Variants in NEK5 observed in about 807,000 individuals in gnomAD.
NEK5 encodes serine/threonine-protein kinase Nek5.
In NEK5, 88 loss-of-function variants were observed where a neutral mutation model predicts 109.2. The ratio of observed to expected loss-of-function variants is 0.81; its 90% confidence interval spans 0.68 to 0.96. NEK5 has a LOEUF of 0.96. Ranked by LOEUF, NEK5 falls within the 40% of genes least tolerant of loss-of-function variation. The pLI is 0.00. For missense variants in NEK5, 834 were observed against 920.7 expected, an observed-to-expected ratio of 0.91 and a Z score of 1.22; for synonymous variants, 283 against 299.9, an observed-to-expected ratio of 0.94 and a Z score of 0.58.
At chr13:52,071,241 T>A (rs1248961594) in intron 20 of NEK5, among the ~76,000 whole-genome samples, 1 of 151,036 alleles carries the variant, frequency 6.6e-6, no homozygotes, top group East Asian at 2.0e-4. Context: ...GGGGTGGGGA[T>A]GGGGGAACAA....
rs1454013856 is a variant in NEK5 at position 52,050,760 on chromosome 13, C to T, written c.2111-539G>A. ...TTTGAGACAGAGTCTGGCTTTGTCA[C>T]CCAGGCTGGAGTGCAATAGTGCAAT... On this transcript the variant is annotated intron_variant, in intron 22 of 23. Transcript: ENST00000684899. 2.0e-5 allele frequency among the ~76,000 whole-genome samples: 3 copies of T among 147,680 alleles called. No individual in the cohort carries two copies. The Admixed American group carries it at 2.0e-4, about 10-fold the overall frequency.
intron 9 of NEK5, 30 bp downstream of exon 9, chr13:52,104,468 C>A: frequency 6.7e-7 from 1 of 1,487,904 alleles, no homozygotes; most frequent in East Asian, 2.3e-5. Context: ...TCCAATAATT[C>A]AAGATTAGTC....
chr13:52,099,768 G>T lies in NEK5; in HGVS notation c.1001C>A (p.Pro334Gln), dbSNP rs78636974. The T allele has an allele frequency of 7.0e-4, 1,133 of 1,613,708 alleles. 6 individuals carry two copies. The African/African-American group carries it at 0.013, about 19-fold the overall frequency. ...AGATCTGGCCTTCTGGGCTCCAGCT[G>T]GTGGTCTCCATTCATTTCTATGCAA... ...AILHRNEWRPPAGAQKARSIK... is the reference protein window; with the variant it reads ...AILHRNEWRPQAGAQKARSIK... Residue 334 changes from proline (P) to glutamine (Q), a missense_variant, in exon 12 of 24, where the codon CCA becomes CAA. By Grantham distance (76) the Pro-to-Gln change is moderately conservative. Around this residue, in one of 2 missense-constraint regions of NEK5, gnomAD observed 777 missense variants for 824.7 expected, o/e 0.94. Transcript: ENST00000684899.
Position 52,089,312 on chromosome 13 carries a change from G to C in NEK5, c.1210C>G (p.Pro404Ala). The stretch of plus-strand genomic sequence containing the variant: ...AATTTTCTCTGAAGGTACTCAGCAG[G>C]CCTTAGAAAATAAGAATGTTCAGCT... ...TRHGPSPSQW[P>A]AEYLQRKFEA... Residue 404 changes from proline (P) to alanine (A), a missense_variant and splice_region_variant, in exon 14 of 24, where the codon CCT becomes GCT. Pro to Ala is a conservative substitution (Grantham distance 27, BLOSUM62 -1). Coordinates refer to ENST00000684899, the MANE Select transcript of NEK5 (RefSeq NM_001365552.1). 6.3e-7 allele frequency: 1 copy of C among 1,597,952 alleles called. No homozygotes were observed. Among genetic ancestry groups the C allele is most frequent in the Non-Finnish European group, 8.6e-7 (1 of 1,167,280 alleles).
At chr13:52,049,305 TC>T (rs1385135697) in intron 23 of NEK5, among the ~76,000 whole-genome samples, 3 of 152,008 alleles carry the variant, frequency 2.0e-5, no homozygotes, top group African/African-American at 7.2e-5. Flanking sequence ...GTGCCTGTGG[TC>T]CCAGCTACTT....
Position 52,037,564 on chromosome 13 carries a change from TACTA to T in NEK5, c.2229-350_2229-347del, listed in dbSNP as rs1404086972. On this transcript the variant is annotated intron_variant, in intron 23 of 23. Transcript: ENST00000684899. ...GGTACTTATACCATATTCCACTTAA[TACTA>T]ACAACATTTTGAGGTAGACATTATC... 3.9e-5 allele frequency among the ~76,000 whole-genome samples: 6 copies of T among 152,290 alleles called. No homozygotes were observed. In the South Asian group the frequency reaches 1.2e-3, roughly 32 times the overall value.
intron 11 of NEK5, 43 bp downstream of exon 11, chr13:52,101,890 T>C (rs370163121): frequency 1.8e-5 from 25 of 1,416,206 alleles, no homozygotes; most frequent in Non-Finnish European, 2.5e-5. Flanking sequence ...GTGTGAGACA[T>C]GTGTAATAAA....
intron 5 of NEK5, among the ~76,000 whole-genome samples, chr13:52,111,540 TG>T (rs1392114169): frequency 1.3e-5 from 2 of 152,212 alleles, no homozygotes; most frequent in Non-Finnish European, 1.5e-5. Flanking sequence ...GGAAATTATA[TG>T]GGCATGATGC....
At chr13:52,054,037 A>G (rs1487184831) in intron 22 of NEK5, among the ~76,000 whole-genome samples, 3 of 152,230 alleles carry the variant, frequency 2.0e-5, no homozygotes, top group Non-Finnish European at 4.4e-5. Flanking sequence ...TTTATCAGAA[A>G]AGTAGAAATG....
chr13:52,114,392 C>A (rs1373085440), intron 4 of NEK5, among the ~76,000 whole-genome samples: 1 of 152,214 alleles, frequency 6.6e-6, no homozygotes, highest in Non-Finnish European at 1.5e-5. Context: ...GTACCCTAAC[C>A]AACTTTACTG....
chr13:52,081,396 A>G (rs1368723567), intron 17 of NEK5, among the ~76,000 whole-genome samples: 3 of 152,068 alleles, frequency 2.0e-5, no homozygotes, highest in Non-Finnish European at 2.9e-5. Context: ...GTCTCACTAT[A>G]TTACCAAGGC....
chr13:52,115,546 G>A (rs1250720940), intron 4 of NEK5, among the ~76,000 whole-genome samples: 1 of 139,080 alleles, frequency 7.2e-6, no homozygotes, highest in Non-Finnish European at 1.5e-5. Context: ...TGGAGGTGCA[G>A]TGAGCCAAGA....
intron 4 of NEK5, among the ~76,000 whole-genome samples, chr13:52,114,156 C>T (rs1955806532): frequency 6.6e-6 from 1 of 152,202 alleles, no homozygotes; most frequent in African/African-American, 2.4e-5. Context: ...TTTGTCTACA[C>T]TTCATTCTTT....
At chr13:52,061,571 A>G (rs938218563) in intron 22 of NEK5, among the ~76,000 whole-genome samples, 2 of 152,184 alleles carry the variant, frequency 1.3e-5, no homozygotes, top group African/African-American at 2.4e-5. Flanking sequence ...CACTAGCCCT[A>G]CTTAAACTTT....
chr13:52,112,486 CTG>C, intron 4 of NEK5, 121 bp from the exon 5 acceptor site: 1 of 617,918 alleles, frequency 1.6e-6, no homozygotes, highest in East Asian at 2.8e-5. Flanking sequence ...TTTCTTAGCT[CTG>C]TGACTCTGGG....
At chr13:52,125,443 G>C (rs1478930498) in intron 3 of NEK5, among the ~76,000 whole-genome samples, 2 of 152,094 alleles carry the variant, frequency 1.3e-5, no homozygotes, top group African/African-American at 4.8e-5. Context: ...GGCGCCTGTA[G>C]TCCCAGCTAC....
At chr13:52,077,859 C>A (rs576637400) in intron 17 of NEK5, among the ~76,000 whole-genome samples, 2 of 151,942 alleles carry the variant, frequency 1.3e-5, no homozygotes, top group Non-Finnish European at 2.9e-5. Context: ...TGGATCACCT[C>A]AGGTCGGGAG....
chr13:52,098,957 G>T (rs1201777322), intron 12 of NEK5, among the ~76,000 whole-genome samples: 1 of 152,022 alleles, frequency 6.6e-6, no homozygotes, highest in Non-Finnish European at 1.5e-5. Context: ...ATAGCTTAAT[G>T]GGTTAAAAAA....
intron 14 of NEK5, 112 bp from the exon 15 acceptor site, chr13:52,087,566 T>C: frequency 5.4e-6 from 3 of 557,202 alleles, no homozygotes; most frequent in East Asian, 5.8e-5. Flanking sequence ...GCAAACTCAG[T>C]ATTTGGGAGT....
Sources: allele counts gnomAD v4.1 joint callset (sites outside exome capture counted in the v4.1 genomes callset), GRCh38; gene constraint gnomAD v4.1.1; regional missense constraint gnomAD v4.1.1; transcripts MANE v1.5; gene names NCBI Gene and HGNC (gene_info 2026-07-23, HGNC 2026-07-21).